Variants in FTCDNL1 observed in about 807,000 individuals in gnomAD.
FTCDNL1 encodes formiminotransferase cyclodeaminase N-terminal like.
FTCDNL1 carries 11 observed loss-of-function variants against 5.9 expected under a neutral mutation model. The ratio of observed to expected loss-of-function variants is 1.87; its 90% CI spans 1.18 to 3.10. The LOEUF is 3.10. FTCDNL1 is among the 30% of genes most tolerant of loss of function. The pLI, the probability that FTCDNL1 is intolerant of heterozygous loss-of-function variation, is 0.00. For synonymous variants in FTCDNL1, 58 were observed against 24.8 expected, an observed-to-expected ratio of 2.34 and a Z score of -3.99; for missense variants, 115 against 65.5, an observed-to-expected ratio of 1.76 and a Z score of -2.61.
the FTCDNL1 span, among the ~76,000 whole-genome samples, chr2:199,703,192 C>T: frequency 6.6e-6 from 1 of 151,906 alleles, no homozygotes; most frequent in Non-Finnish European, 1.5e-5. Context: ...TCTCCTAATG[C>T]TATCCCTCCC....
rs1427971452 is a variant in FTCDNL1 at position 199,851,124 on chromosome 2, G to C, written c.-392C>G. 2 of 137,796 alleles carry C rather than the reference G, an allele frequency of 1.5e-5. No homozygotes were observed. Among genetic ancestry groups the C allele is most frequent in the Admixed American group, 6.9e-5 (1 of 14,406 alleles). The allele number at this position is 137,796 out of a possible 1,614,324, so 8.5% of individuals were successfully genotyped here. ...GGGCGACCGCCCAGCCCAAGTCGCC[G>C]CCGCGCGTGGCCCGCGCGCAGCCTC... is the stretch of plus-strand genomic sequence containing the variant. On this transcript the variant is annotated 5_prime_UTR_variant, in exon 1 of 5. Coordinates refer to ENST00000420128, the MANE Select transcript of FTCDNL1 (RefSeq NM_001363886.2).
intron 3 of FTCDNL1, among the ~76,000 whole-genome samples, chr2:199,764,630 T>C (rs1434431811): frequency 6.6e-6 from 1 of 152,232 alleles, no homozygotes; most frequent in East Asian, 1.9e-4. Context: ...AGGACTCTTC[T>C]GTGAAATGCC....
the FTCDNL1 span, among the ~76,000 whole-genome samples, chr2:199,699,491 C>G: frequency 6.6e-6 from 1 of 151,978 alleles, no homozygotes; most frequent in African/African-American, 2.4e-5. Context: ...ACCAATACTA[C>G]TGAAACTATT....
intron 3 of FTCDNL1, among the ~76,000 whole-genome samples, chr2:199,769,258 A>C (rs1254730246): frequency 6.6e-6 from 1 of 152,136 alleles, no homozygotes; most frequent in Non-Finnish European, 1.5e-5. Context: ...GTTCCCACCC[A>C]AATCTCACCT....
chr2:199,843,167 G>A (rs1212943015), intron 3 of FTCDNL1, among the ~76,000 whole-genome samples: 1 of 152,176 alleles, frequency 6.6e-6, no homozygotes, highest in Non-Finnish European at 1.5e-5. Context: ...AAATGTCCAT[G>A]TTTAAATCAT....
chr2:199,732,307 G>A, the FTCDNL1 span, among the ~76,000 whole-genome samples: 1 of 152,028 alleles, frequency 6.6e-6, no homozygotes, highest in African/African-American at 2.4e-5. Context: ...CCACCTCAAG[G>A]GACTATCACT....
chr2:199,745,927 G>A, the FTCDNL1 span, among the ~76,000 whole-genome samples: 2 of 152,074 alleles, frequency 1.3e-5, no homozygotes, highest in African/African-American at 4.8e-5. Flanking sequence ...TCAAAGCATT[G>A]CTTTTTGAAA....
chr2:199,834,147 T>TA (rs1702556848), intron 3 of FTCDNL1, among the ~76,000 whole-genome samples: 1 of 151,850 alleles, frequency 6.6e-6, no homozygotes, highest in Non-Finnish European at 1.5e-5. Context: ...GGGGTCCTCA[T>TA]AAAAAGGGGA....
the FTCDNL1 span, among the ~76,000 whole-genome samples, chr2:199,689,110 G>C: frequency 6.6e-6 from 1 of 152,182 alleles, no homozygotes; most frequent in African/African-American, 2.4e-5. Flanking sequence ...ATTTCCATAT[G>C]ATGAAATACT....
At chr2:199,828,241 G>C (rs539027250) in intron 3 of FTCDNL1, among the ~76,000 whole-genome samples, 2 of 152,182 alleles carry the variant, frequency 1.3e-5, no homozygotes, top group South Asian at 4.2e-4. Flanking sequence ...TATTCAAAAA[G>C]GCTAATTTTG....
the FTCDNL1 span, among the ~76,000 whole-genome samples, chr2:199,719,252 G>C: frequency 0.65 from 98,589 of 151,986 alleles, 33,440 homozygotes; most frequent in Non-Finnish European, 0.75. Flanking sequence ...TCATTCTTCT[G>C]CATATGGCAA....
At chr2:199,734,629 T>G in the FTCDNL1 span, among the ~76,000 whole-genome samples, 3 of 152,302 alleles carry the variant, frequency 2.0e-5, no homozygotes, top group South Asian at 6.2e-4. Flanking sequence ...CAAATTTAAA[T>G]GACACATGAT....
chr2:199,736,063 G>A, the FTCDNL1 span, among the ~76,000 whole-genome samples: 1 of 152,178 alleles, frequency 6.6e-6, no homozygotes, highest in Non-Finnish European at 1.5e-5. Context: ...TGACTATTGG[G>A]AAGTAAATGG....
intron 3 of FTCDNL1, among the ~76,000 whole-genome samples, chr2:199,840,243 G>A (rs926829866): frequency 7.9e-5 from 12 of 152,142 alleles, no homozygotes; most frequent in African/African-American, 2.7e-4. Flanking sequence ...TAAACCAGTG[G>A]TAAGTATATA....
the FTCDNL1 span, among the ~76,000 whole-genome samples, chr2:199,704,346 T>C: frequency 6.6e-6 from 1 of 152,052 alleles, no homozygotes; most frequent in African/African-American, 2.4e-5. Context: ...GAGCATGAGA[T>C]CCTAGCATAC....
chr2:199,739,429 G>C, the FTCDNL1 span, among the ~76,000 whole-genome samples: 1 of 152,134 alleles, frequency 6.6e-6, no homozygotes, highest in Admixed American at 6.5e-5. Context: ...CTATTCATTG[G>C]TTAAAAGTTG....
the FTCDNL1 span, among the ~76,000 whole-genome samples, chr2:199,676,721 C>G: frequency 6.6e-6 from 1 of 152,060 alleles, no homozygotes; most frequent in African/African-American, 2.4e-5. Flanking sequence ...GACTTATGTT[C>G]TTTAGTGATC....
chr2:199,711,426 T>A, the FTCDNL1 span, among the ~76,000 whole-genome samples: 1 of 152,072 alleles, frequency 6.6e-6, no homozygotes, highest in Non-Finnish European at 1.5e-5. Flanking sequence ...CTTTTCTGCT[T>A]TATTAGAAAA....
the FTCDNL1 span, among the ~76,000 whole-genome samples, chr2:199,667,195 G>A: frequency 6.6e-6 from 1 of 152,162 alleles, no homozygotes. Context: ...TAATGATACA[G>A]TTATAAAATA....
Sources: gnomAD v4.1 joint callset for allele counts (sites outside exome capture counted in the v4.1 genomes callset) on GRCh38, gnomAD v4.1.1 for gene constraint, MANE v1.5 for transcripts, NCBI Gene and HGNC (gene_info 2026-07-23, HGNC 2026-07-21) for gene names.